Variants in TMEM135 observed in about 807,000 individuals in gnomAD.
TMEM135 encodes peroxisomal membrane protein 52.
A neutral mutation model predicts 60.3 loss-of-function variants in TMEM135; 30 were observed. The ratio of observed to expected loss-of-function variants is 0.50; its 90% CI spans 0.37 to 0.68. The LOEUF is 0.68. Among genes scored for constraint, TMEM135 ranks in the 30% least tolerant of loss-of-function variants. The pLI, the probability that TMEM135 is intolerant of heterozygous loss-of-function variation, is 0.00. For synonymous variants in TMEM135, 190 were observed against 186.7 expected, an observed-to-expected ratio of 1.02 and a Z score of -0.14; for missense variants, 468 against 548.8, an observed-to-expected ratio of 0.85 and a Z score of 1.47.
intron 4 of TMEM135, among the ~76,000 whole-genome samples, chr11:87,135,101 G>A (rs1938052910): frequency 6.6e-6 from 1 of 151,800 alleles, no homozygotes; most frequent in African/African-American, 2.4e-5. Flanking sequence ...CTTATTATGG[G>A]GCTTTGAGAG....
chr11:87,099,275 T>C (rs1857399445), intron 4 of TMEM135, among the ~76,000 whole-genome samples: 1 of 152,162 alleles, frequency 6.6e-6, no homozygotes. Context: ...ACTTTGATAT[T>C]ATTGATGTTG....
At chr11:87,296,043 G>A (rs1942342406) in intron 7 of TMEM135, among the ~76,000 whole-genome samples, 1 of 152,114 alleles carries the variant, frequency 6.6e-6, no homozygotes, top group African/African-American at 2.4e-5. Context: ...TGGACCTGTT[G>A]TGTGCTTTCT....
intron 5 of TMEM135, among the ~76,000 whole-genome samples, chr11:87,206,946 T>TA (rs1483965610): frequency 1.3e-5 from 2 of 152,046 alleles, no homozygotes; most frequent in East Asian, 1.9e-4. Context: ...AGAGTAAGAT[T>TA]AAAAAAAATT....
At chr11:87,044,698 T>C (rs1412280946) in intron 1 of TMEM135, among the ~76,000 whole-genome samples, 1 of 152,180 alleles carries the variant, frequency 6.6e-6, no homozygotes, top group African/African-American at 2.4e-5. Context: ...TCGCCCAGGC[T>C]GGAGTGCAGT....
chr11:87,237,348 C>A (rs1051487871), intron 6 of TMEM135, among the ~76,000 whole-genome samples: 35 of 151,850 alleles, frequency 2.3e-4, no homozygotes, highest in African/African-American at 7.2e-4. Context: ...TTAGTGATAC[C>A]AATTAATTTC....
At chr11:87,229,865 A>T (rs185507500) in intron 5 of TMEM135, among the ~76,000 whole-genome samples, 266 of 152,096 alleles carry the variant, frequency 1.7e-3, no homozygotes, top group Non-Finnish European at 2.9e-3. Flanking sequence ...TTTTGTTGTT[A>T]TTCTGTTTGA....
chr11:87,273,926 T>C (rs1015111858), intron 6 of TMEM135, among the ~76,000 whole-genome samples: 2 of 152,224 alleles, frequency 1.3e-5, no homozygotes, highest in African/African-American at 2.4e-5. Flanking sequence ...TTGTTTACTT[T>C]GGACAGTTGA....
At chr11:87,134,848 A>G (rs924634507) in intron 4 of TMEM135, among the ~76,000 whole-genome samples, 4 of 152,126 alleles carry the variant, frequency 2.6e-5, no homozygotes, top group Non-Finnish European at 5.9e-5. Flanking sequence ...ACCATTTTAC[A>G]TTCATGCTGG....
At chr11:87,240,727 AAAG>A (rs1187800228) in intron 6 of TMEM135, among the ~76,000 whole-genome samples, 1 of 152,146 alleles carries the variant, frequency 6.6e-6, no homozygotes, top group Non-Finnish European at 1.5e-5. Context: ...ATTTGAGAGA[AAAG>A]AAGTAGTTTT....
chr11:87,115,411 TAA>T (rs1340738832), intron 4 of TMEM135, among the ~76,000 whole-genome samples: 1 of 152,100 alleles, frequency 6.6e-6, no homozygotes, highest in African/African-American at 2.4e-5. Flanking sequence ...AAAAGTAAAA[TAA>T]AGTGATTTTA....
chr11:87,038,313 G>T, intron 1 of TMEM135, 127 bp downstream of exon 1: 4 of 1,024,842 alleles, frequency 3.9e-6, no homozygotes, highest in East Asian at 3.0e-5. Context: ...AGGGGTCGGA[G>T]TGTTTTGGGG....
intron 5 of TMEM135, among the ~76,000 whole-genome samples, chr11:87,163,605 A>G (rs1938952579): frequency 6.6e-6 from 1 of 152,056 alleles, no homozygotes; most frequent in Admixed American, 6.6e-5. Context: ...TCCCTGAGGA[A>G]TTGCCACACT....
At chr11:87,278,547 G>A (rs916001121) in intron 6 of TMEM135, among the ~76,000 whole-genome samples, 1 of 151,892 alleles carries the variant, frequency 6.6e-6, no homozygotes, top group Non-Finnish European at 1.5e-5. Context: ...TGTATTTTTA[G>A]TAGAGACAAG....
rs116159794 is a variant in TMEM135, at chr11:87,275,356, T to C, written c.510-20426T>C. Among the ~76,000 whole-genome samples, 1,444 of 152,244 alleles carry C rather than the reference T, an allele frequency of 9.5e-3. 21 individuals carry two copies. The highest frequency in any genetic ancestry group is 0.032 in the African/African-American group (1,338 of 41,538). ...CCTATACTTAAGTGCTAGCAACCAT[T>C]ACAGACTTCTTGAGACCAAAGCCTG... is the stretch of plus-strand genomic sequence containing the variant. On this transcript the variant is annotated intron_variant, in intron 6 of 14. Coordinates refer to ENST00000305494, the MANE Select transcript of TMEM135 (RefSeq NM_022918.4).
chr11:87,308,942 C>G (rs1176905975), intron 9 of TMEM135, among the ~76,000 whole-genome samples: 3 of 152,096 alleles, frequency 2.0e-5, no homozygotes, highest in African/African-American at 7.2e-5. Context: ...TTTAGCCCGA[C>G]AGGAATGAAA....
intron 7 of TMEM135, among the ~76,000 whole-genome samples, chr11:87,300,577 A>G (rs1351492946): frequency 2.0e-5 from 3 of 152,214 alleles, no homozygotes; most frequent in Admixed American, 2.0e-4. Context: ...AATTAATTAT[A>G]TTTGTAAAAG....
At chr11:87,204,163 GT>G (rs142300919) in intron 5 of TMEM135, among the ~76,000 whole-genome samples, 19,757 of 150,576 alleles carry the variant, frequency 0.13, 1,340 homozygotes, top group Non-Finnish European at 0.15. Context: ...GATTTTGTTT[GT>G]TTTTTTTATC....
intron 5 of TMEM135, among the ~76,000 whole-genome samples, chr11:87,164,115 T>C (rs1373275092): frequency 4.0e-5 from 5 of 125,996 alleles, no homozygotes; most frequent in African/African-American, 9.2e-5. Flanking sequence ...TCCTTGCCCA[T>C]GCCTATGTCC....
At chr11:87,087,038 C>T (rs1002544781) in intron 3 of TMEM135, among the ~76,000 whole-genome samples, 2 of 152,148 alleles carry the variant, frequency 1.3e-5, no homozygotes, top group African/African-American at 4.8e-5. Context: ...AGAGGCCTAT[C>T]TAAGGGTCCC....
Sources: gnomAD v4.1 joint callset for allele counts (sites outside exome capture counted in the v4.1 genomes callset) on GRCh38, gnomAD v4.1.1 for gene constraint, MANE v1.5 for transcripts, NCBI Gene and HGNC (gene_info 2026-07-23, HGNC 2026-07-21) for gene names.